Variants in GPHN observed in about 807,000 individuals in gnomAD.
GPHN encodes the protein gephyrin.
Under a neutral mutation model 95.5 loss-of-function variants are expected in GPHN, and 17 were observed. That is an observed-to-expected ratio of 0.18 (90% CI 0.12 to 0.27). GPHN has a LOEUF of 0.27. Among genes scored for constraint, GPHN ranks in the 10% least tolerant of loss-of-function variants. The pLI, the probability that GPHN is intolerant of heterozygous loss-of-function variation, is 1.00. For missense variants in GPHN, 660 were observed against 978.1 expected, an observed-to-expected ratio of 0.67 and a Z score of 4.34; for synonymous variants, 320 against 322.5, an observed-to-expected ratio of 0.99 and a Z score of 0.08.
At chr14:67,646,840 A>C in the GPHN span, 4 of 1,395,728 alleles carry the variant, frequency 2.9e-6, no homozygotes, top group African/African-American at 1.4e-5. Flanking sequence ...TCACTACAAC[A>C]AACCCACCCT....
At chr14:67,071,271 G>A (rs1567291061) in intron 11 of GPHN, among the ~76,000 whole-genome samples, 1 of 152,030 alleles carries the variant, frequency 6.6e-6, no homozygotes, top group Non-Finnish European at 1.5e-5. Context: ...AAGAAAATGT[G>A]ACACATATAC....
intron 4 of GPHN, among the ~76,000 whole-genome samples, chr14:66,863,627 A>G (rs2063117592): frequency 6.6e-6 from 1 of 151,568 alleles, no homozygotes; most frequent in South Asian, 2.1e-4. Flanking sequence ...AGACACATAG[A>G]CCAATGGAAC....
rs192796385 is a variant in GPHN, at chr14:67,004,490, T to A, written c.964-19143T>A. Among the ~76,000 whole-genome samples the A allele has an allele frequency of 8.9e-3, 1,350 of 151,852 alleles. 16 individuals are homozygous for A. The highest frequency in any genetic ancestry group is 0.031 in the African/African-American group (1,273 of 41,492). ...ACAAATTGAAATATTGTCCATTTTT[T>A]AAAAAATCATAATGTATGAATTCAG... On this transcript the variant is annotated intron_variant, in intron 9 of 22. Transcript: ENST00000478722.
At chr14:67,074,048 A>T (rs1253280846) in intron 11 of GPHN, among the ~76,000 whole-genome samples, 1 of 152,190 alleles carries the variant, frequency 6.6e-6, no homozygotes, top group Non-Finnish European at 1.5e-5. Flanking sequence ...TAAAGAGGTG[A>T]GGAATAAATT....
intron 2 of GPHN, 114 bp downstream of exon 2, chr14:66,681,299 C>T (rs1389911987): frequency 4.2e-6 from 3 of 708,660 alleles, no homozygotes; most frequent in Non-Finnish European, 7.4e-6. Flanking sequence ...TTTTTCTTTT[C>T]TAATAATGCG....
chr14:66,562,987 A>C (rs1319722176), intron 1 of GPHN, among the ~76,000 whole-genome samples: 1 of 151,946 alleles, frequency 6.6e-6, no homozygotes, highest in African/African-American at 2.4e-5. Context: ...GAATTCCTTG[A>C]TGTGTAAGAT....
the GPHN span, chr14:67,445,932 T>C: frequency 6.6e-6 from 3 of 453,156 alleles, no homozygotes; most frequent in Non-Finnish European, 1.3e-5. Flanking sequence ...CACAGTTTGC[T>C]TGTGGCTAAT....
intron 17 of GPHN, among the ~76,000 whole-genome samples, chr14:67,135,659 C>T (rs1207385548): frequency 6.6e-6 from 1 of 151,840 alleles, no homozygotes; most frequent in Non-Finnish European, 1.5e-5. Flanking sequence ...AAAATTGTAC[C>T]AGGACATATT....
At chr14:66,983,008 T>G (rs990900859) in intron 9 of GPHN, among the ~76,000 whole-genome samples, 1 of 152,124 alleles carries the variant, frequency 6.6e-6, no homozygotes, top group Non-Finnish European at 1.5e-5. Context: ...CCTGGCACTT[T>G]TGGGAGGCCG....
chr14:66,685,614 T>C (rs1350172624), intron 2 of GPHN, among the ~76,000 whole-genome samples: 2 of 152,170 alleles, frequency 1.3e-5, no homozygotes, highest in Non-Finnish European at 2.9e-5. Context: ...TTCTTGTAAA[T>C]TTGTTTGAGT....
At chr14:66,711,000 T>G (rs1278739454) in intron 2 of GPHN, among the ~76,000 whole-genome samples, 1 of 152,192 alleles carries the variant, frequency 6.6e-6, no homozygotes, top group Non-Finnish European at 1.5e-5. Context: ...TATCAAACTT[T>G]ATTATGCAAA....
the GPHN span, among the ~76,000 whole-genome samples, chr14:67,359,140 AG>A: frequency 6.6e-6 from 1 of 152,192 alleles, no homozygotes; most frequent in Non-Finnish European, 1.5e-5. Context: ...AAAATGAGTA[AG>A]GGGATCCAAG....
chr14:66,749,907 G>A (rs1405284404), intron 2 of GPHN, among the ~76,000 whole-genome samples: 1 of 151,506 alleles, frequency 6.6e-6, no homozygotes, highest in African/African-American at 2.4e-5. Flanking sequence ...GAGATATTTA[G>A]ATATAGGCAT....
intron 17 of GPHN, 121 bp from the exon 18 acceptor site, chr14:67,143,241 G>A (rs2080600376): frequency 1.3e-6 from 1 of 742,156 alleles, no homozygotes; most frequent in Admixed American, 1.8e-5. Flanking sequence ...ACTTCATACA[G>A]AATATAGTGC....
At chr14:67,559,700 G>T in the GPHN span, 2 of 1,585,594 alleles carry the variant, frequency 1.3e-6, no homozygotes, top group Non-Finnish European at 1.7e-6. Flanking sequence ...AGGTGGGTTG[G>T]AAACTCATCT....
At chr14:67,168,764 A>G (rs751381742) in intron 20 of GPHN, among the ~76,000 whole-genome samples, 169 bp from the exon 21 acceptor site, 10 of 152,122 alleles carry the variant, frequency 6.6e-5, no homozygotes, top group Non-Finnish European at 1.5e-4. Flanking sequence ...CCCCTGTGGC[A>G]TTTAGTTGAC....
In GPHN at chr14:66,772,815, G is replaced by A. The variant is rs147584093; in HGVS notation, c.144-3649G>A. 3.0e-3 allele frequency among the ~76,000 whole-genome samples: 457 copies of A among 152,208 alleles called. 3 individuals carry two copies. Among genetic ancestry groups the A allele is most frequent in the African/African-American group, 0.011 (438 of 41,522 alleles). On this transcript the variant is annotated intron_variant, in intron 2 of 22. Transcript: ENST00000478722. Reference sequence around the variant, plus strand: ...ATGAAAATAAATTTTTAAACAAAAAGCAATAACGTATACTTTCAAATAAAT... The same window carrying A: ...ATGAAAATAAATTTTTAAACAAAAAACAATAACGTATACTTTCAAATAAAT...
intron 13 of GPHN, among the ~76,000 whole-genome samples, chr14:67,107,038 A>G (rs1264991364): frequency 1.3e-5 from 2 of 151,956 alleles, no homozygotes; most frequent in African/African-American, 4.8e-5. Context: ...GACAGGTGCA[A>G]TGGTGTAGTC....
intron 1 of GPHN, among the ~76,000 whole-genome samples, chr14:66,672,143 TATC>T (rs1188530750): frequency 1.1e-4 from 16 of 152,164 alleles, no homozygotes; most frequent in Non-Finnish European, 1.9e-4. Context: ...TAAATTATGG[TATC>T]ATTATTTAAA....
Sources: allele counts gnomAD v4.1 joint callset (sites outside exome capture counted in the v4.1 genomes callset), GRCh38; gene constraint gnomAD v4.1.1; transcripts MANE v1.5; gene names NCBI Gene and HGNC (gene_info 2026-07-23, HGNC 2026-07-21).